The following RANBP2 variants were observed in gnomAD, a reference collection of about 807,000 sequenced individuals.
RANBP2 encodes the protein RAN binding protein 2.
In RANBP2, 57 loss-of-function variants were observed where a neutral mutation model predicts 303.6. That is an observed-to-expected ratio of 0.19 (90% CI 0.15 to 0.23). RANBP2 has a LOEUF of 0.23. Ranked by LOEUF, RANBP2 falls within the 10% of genes least tolerant of loss-of-function variation. The probability of loss-of-function intolerance (pLI) is 1.00; values close to 1 mark genes in which losing one functional copy is unlikely to be tolerated. For missense variants in RANBP2, 3,138 were observed against 3,780.8 expected, an observed-to-expected ratio of 0.83 and a Z score of 4.46; for synonymous variants, 1,167 against 1,301.5, an observed-to-expected ratio of 0.90 and a Z score of 2.23.
At chr2:109,564,103 A>G in the RANBP2 span, 1 of 333,032 alleles carries the variant, frequency 3.0e-6, no homozygotes, top group Non-Finnish European at 5.4e-6. Context: ...GTCAGCATGA[A>G]CTGAAACAGG....
the RANBP2 span, among the ~76,000 whole-genome samples, chr2:109,703,424 C>A: frequency 6.6e-6 from 1 of 152,172 alleles, no homozygotes; most frequent in African/African-American, 2.4e-5. Context: ...TTTTTATTTT[C>A]TGTATTTTAT....
At chr2:109,614,496 G>T in the RANBP2 span, 4 of 1,241,192 alleles carry the variant, frequency 3.2e-6, no homozygotes, top group South Asian at 6.9e-5. Flanking sequence ...GAGGATGGAG[G>T]GGCCGGCAGA....
the RANBP2 span, among the ~76,000 whole-genome samples, chr2:108,956,594 T>C: frequency 8.5e-5 from 13 of 152,346 alleles, no homozygotes; most frequent in Admixed American, 4.6e-4. Flanking sequence ...GATGGTTGAC[T>C]GACAGTGAAA....
At chr2:109,160,718 C>G in the RANBP2 span, among the ~76,000 whole-genome samples, 1 of 152,144 alleles carries the variant, frequency 6.6e-6, no homozygotes, top group Non-Finnish European at 1.5e-5. Context: ...TCAGCCTGTC[C>G]CTGCTCCTAC....
chr2:109,253,120 C>T, the RANBP2 span, among the ~76,000 whole-genome samples: 4 of 152,094 alleles, frequency 2.6e-5, no homozygotes, highest in Admixed American at 2.6e-4. Flanking sequence ...CTCCACCTCA[C>T]GAGTTCAAGT....
At chr2:109,393,310 G>A in the RANBP2 span, among the ~76,000 whole-genome samples, 7 of 152,194 alleles carry the variant, frequency 4.6e-5, no homozygotes, top group African/African-American at 1.4e-4. Flanking sequence ...TTGGGAAGCC[G>A]AGCTTGCAAA....
chr2:108,756,295 TC>T (rs1431304983), intron 17 of RANBP2, among the ~76,000 whole-genome samples: 19 of 152,240 alleles, frequency 1.2e-4, no homozygotes, highest in Admixed American at 2.6e-4. Context: ...TTTTAATACT[TC>T]CATATGAATT....
the RANBP2 span, among the ~76,000 whole-genome samples, chr2:108,991,349 T>C: frequency 1.3e-5 from 2 of 152,216 alleles, no homozygotes; most frequent in Non-Finnish European, 2.9e-5. Flanking sequence ...TTTTATACAT[T>C]TCCTAAGAGA....
At chr2:108,961,882 T>C in the RANBP2 span, among the ~76,000 whole-genome samples, 7 of 152,184 alleles carry the variant, frequency 4.6e-5, no homozygotes, top group African/African-American at 1.7e-4. Flanking sequence ...AGTGAGTCCA[T>C]AGCAAGCATA....
chr2:109,091,900 A>T, the RANBP2 span, among the ~76,000 whole-genome samples: 1 of 152,004 alleles, frequency 6.6e-6, no homozygotes, highest in African/African-American at 2.4e-5. Context: ...TTGTAGCTCC[A>T]CCACCGAGTG....
the RANBP2 span, among the ~76,000 whole-genome samples, chr2:108,933,761 G>A: frequency 6.6e-6 from 1 of 151,912 alleles, no homozygotes; most frequent in African/African-American, 2.4e-5. Context: ...GGCAGGCAGC[G>A]ACGGGAGATC....
the RANBP2 span, among the ~76,000 whole-genome samples, chr2:109,417,428 C>A: frequency 6.6e-6 from 1 of 152,154 alleles, no homozygotes; most frequent in East Asian, 1.9e-4. Context: ...AGACAGAAGA[C>A]CCTGGAATCC....
chr2:109,198,872 C>T, the RANBP2 span, among the ~76,000 whole-genome samples: 9 of 152,254 alleles, frequency 5.9e-5, no homozygotes, highest in East Asian at 1.9e-4. Context: ...TACTGAACAC[C>T]GTAGGCAGTT....
chr2:109,314,297 A>C, the RANBP2 span, among the ~76,000 whole-genome samples: 1 of 152,186 alleles, frequency 6.6e-6, no homozygotes, highest in South Asian at 2.1e-4. Context: ...TTATTTCTTG[A>C]AATGGTTAAA....
intron 12 of RANBP2, 94 bp from the exon 13 acceptor site, chr2:108,752,904 T>G: frequency 6.2e-7 from 1 of 1,605,750 alleles, no homozygotes; most frequent in Non-Finnish European, 8.5e-7. Flanking sequence ...GGTTTTGACT[T>G]GAAATTTTAG....
At chr2:109,389,724 T>C in the RANBP2 span, among the ~76,000 whole-genome samples, 79,114 of 151,928 alleles carry the variant, frequency 0.52, 21,056 homozygotes, top group South Asian at 0.61. Context: ...ATATATTATT[T>C]GGTCCACTAG....
the RANBP2 span, among the ~76,000 whole-genome samples, chr2:109,590,683 C>T: frequency 1.9e-3 from 286 of 152,266 alleles, 1 homozygote; most frequent in African/African-American, 6.6e-3. Context: ...CTCGTCTGGG[C>T]CTCCCAAAGT....
At chr2:109,156,384 G>A in the RANBP2 span, among the ~76,000 whole-genome samples, 1 of 152,146 alleles carries the variant, frequency 6.6e-6, no homozygotes, top group African/African-American at 2.4e-5. Flanking sequence ...GTATCCACTC[G>A]GGTGTTTGTT....
the RANBP2 span, among the ~76,000 whole-genome samples, chr2:108,849,267 A>G: frequency 6.6e-6 from 1 of 152,232 alleles, no homozygotes; most frequent in African/African-American, 2.4e-5. Context: ...CTTAGAGTCT[A>G]TGAAGAGGGG....
Sources: gnomAD v4.1 joint callset for allele counts (sites outside exome capture counted in the v4.1 genomes callset) on GRCh38, gnomAD v4.1.1 for gene constraint, MANE v1.5 for transcripts, NCBI Gene and HGNC (gene_info 2026-07-23, HGNC 2026-07-21) for gene names.